Variants in OR10A6 observed in about 807,000 individuals in gnomAD.
OR10A6 encodes the protein olfactory receptor 10A6.
A neutral mutation model predicts 1.5 loss-of-function variants in OR10A6; 2 were observed. The observed-to-expected ratio is 1.31, with a 90% confidence interval of 0.54 to 4.13. The LOEUF (loss-of-function observed/expected upper bound fraction) is 4.13. Among genes scored for constraint, OR10A6 ranks in the 30% most tolerant of loss-of-function variants. The pLI is 0.07. For synonymous variants in OR10A6, 169 were observed against 137.3 expected, an observed-to-expected ratio of 1.23 and a Z score of -1.61; for missense variants, 492 against 368.6, an observed-to-expected ratio of 1.33 and a Z score of -2.74.
rs2133602476 is a variant in OR10A6, at chr11:7,925,205, T to C, written c.*2513A>G. The C allele has an allele frequency of 6.6e-6, 1 of 152,366 alleles. No homozygotes were observed. The highest frequency in any genetic ancestry group is 1.9e-4 in the East Asian group (1 of 5,194). The allele number at this position is 152,366 out of a possible 1,614,324, so 9.4% of individuals were successfully genotyped here. A position where few individuals can be genotyped will look rare whatever the true frequency, so the allele number is the denominator to read the frequency against. ...CAGAAATGATATGATTAGGCTATTA[T>C]GTGTGAAGCATACTAACAATTTCTA... On this transcript the variant is annotated 3_prime_UTR_variant, in exon 4 of 4. Transcript: ENST00000641238.
Position 7,928,121 on chromosome 11 carries a change from G to C in OR10A6, c.542C>G (p.Thr181Ser), listed in dbSNP as rs199758044. 1 of 1,613,944 alleles carries C rather than the reference G, an allele frequency of 6.2e-7. No homozygotes were observed. The highest frequency in any genetic ancestry group is 8.5e-7 in the Non-Finnish European group (1 of 1,179,990). The change falls in exon 4 of 4, where the codon ACC becomes AGC. Residue 181 changes from threonine (T) to serine (S), a missense_variant. Thr to Ser is a moderately conservative substitution (Grantham distance 58). Transcript: ENST00000641238. ...LNEINHISCE[T>S]PAVLELACAD... ...ACATGCAAGTTCTAACACTGCTGGG[G>C]TTTCACAAGATATATGGTTAATTTC...
rs1463126193 is a variant in OR10A6, at chr11:7,926,758, CTAAT to C, written c.*956_*959del. 5.3e-5 allele frequency: 8 copies of C among 152,118 alleles called. No individual in the cohort carries two copies. The East Asian group carries it at 1.4e-3, about 26-fold the overall frequency. 9.4% of individuals were successfully genotyped at this position (152,118 alleles called of 1,614,324 possible). A position where few individuals can be genotyped will look rare whatever the true frequency, so the allele number is the denominator to read the frequency against. On this transcript the variant is annotated 3_prime_UTR_variant, in exon 4 of 4. Transcript: ENST00000641238. ...GTTATATTTCAATGTTGCAATGTGT[CTAAT>C]TATTCATCTTTATATATAACTAGAA...
rs1334745633 is a variant in OR10A6 at position 7,924,761 on chromosome 11, C to T, written c.*2957G>A. 3.9e-5 allele frequency: 6 copies of T among 152,132 alleles called. No individual in the cohort carries two copies. The highest frequency in any genetic ancestry group is 8.8e-5 in the Non-Finnish European group (6 of 68,030). The allele number at this position is 152,132 out of a possible 1,614,324, so 9.4% of individuals were successfully genotyped here. A position where few individuals can be genotyped will look rare whatever the true frequency, so the allele number is the denominator to read the frequency against. ...GGGGCCCTCTAGCTTTCCACTTGGC[C>T]TCTGTAGGGCCTGGCTTTTCTAGTC... is the stretch of plus-strand genomic sequence containing the variant. On this transcript the variant is annotated 3_prime_UTR_variant, in exon 4 of 4. Coordinates refer to ENST00000641238, the MANE Select transcript of OR10A6 (RefSeq NM_001004461.2).
chr11:7,926,213 C>T lies in OR10A6; in HGVS notation c.*1505G>A, dbSNP rs954890909. ...GCCTTCCAGTAGGGGAACCACCCCC[C>T]ATATCCCCTCTCTGCTGACAGTTGT... is the stretch of plus-strand genomic sequence containing the variant. On this transcript the variant is annotated 3_prime_UTR_variant, in exon 4 of 4. Transcript: ENST00000641238. 6.6e-6 allele frequency: 1 copy of T among 152,506 alleles called. No individual in the cohort carries two copies. Among genetic ancestry groups the T allele is most frequent in the African/African-American group, 2.4e-5 (1 of 41,456 alleles). 9.4% of individuals were successfully genotyped at this position (152,506 alleles called of 1,614,324 possible).
chr11:7,926,587 G>T lies in OR10A6; in HGVS notation c.*1131C>A, dbSNP rs140177986. ...TTTCCATCCAATGAATGATTGTTTT[G>T]TAGAAGTGTTCTAACCGCTTTATTA... On this transcript the variant is annotated 3_prime_UTR_variant, in exon 4 of 4. Transcript: ENST00000641238. 5.3e-5 allele frequency: 8 copies of T among 152,248 alleles called. No homozygotes were observed. Among genetic ancestry groups the T allele is most frequent in the African/African-American group, 1.7e-4 (7 of 41,538 alleles). 9.4% of individuals were successfully genotyped at this position (152,248 alleles called of 1,614,324 possible).
rs887929523 is a variant in OR10A6 at position 7,925,492 on chromosome 11, T to C, written c.*2226A>G. 6.6e-6 allele frequency: 1 copy of C among 152,158 alleles called. No individual in the cohort carries two copies. The highest frequency in any genetic ancestry group is 2.4e-5 in the African/African-American group (1 of 41,444). 9.4% of individuals were successfully genotyped at this position (152,158 alleles called of 1,614,324 possible). A position where few individuals can be genotyped will look rare whatever the true frequency, so the allele number is the denominator to read the frequency against. On this transcript the variant is annotated 3_prime_UTR_variant, in exon 4 of 4. Transcript: ENST00000641238. ...TCAAATATAGTAACCTTCCAGCATCTAATGACCAGTACACTGTAAATCCTT... is the reference window on the plus strand; with the variant it reads ...TCAAATATAGTAACCTTCCAGCATCCAATGACCAGTACACTGTAAATCCTT...
In OR10A6 at chr11:7,927,483, A is replaced by G. The variant is rs1341020359; in HGVS notation, c.*235T>C. On this transcript the variant is annotated 3_prime_UTR_variant, in exon 4 of 4. Coordinates refer to ENST00000641238, the MANE Select transcript of OR10A6 (RefSeq NM_001004461.2). ...AAAAATAACCATCAGTAGGGCTACT[A>G]CTAAACAAATTGTTGAAATTGTGTT... 1 of 419,876 alleles carries G rather than the reference A, an allele frequency of 2.4e-6. No individual in the cohort carries two copies. 26.0% of individuals were successfully genotyped at this position (419,876 alleles called of 1,614,324 possible).
In OR10A6 at chr11:7,924,648, C is replaced by T; in HGVS notation, c.*3070G>A. On this transcript the variant is annotated 3_prime_UTR_variant, in exon 4 of 4. Coordinates refer to ENST00000641238, the MANE Select transcript of OR10A6 (RefSeq NM_001004461.2). ...TAGCAAATACTGGATTAAACAAAGA[C>T]AAGGTTTATTTCTCTGAAGTAACAG... The T allele has an allele frequency of 6.6e-6, 1 of 150,964 alleles. No homozygotes were observed. Among genetic ancestry groups the T allele is most frequent in the East Asian group, 1.9e-4 (1 of 5,142 alleles). 9.4% of individuals were successfully genotyped at this position (150,964 alleles called of 1,614,324 possible). A position where few individuals can be genotyped will look rare whatever the true frequency, so the allele number is the denominator to read the frequency against.
In OR10A6 at chr11:7,930,267, A is replaced by T. The variant is rs1467472275; in HGVS notation, c.-1605T>A. On this transcript the variant is annotated 5_prime_UTR_variant, in exon 4 of 4. Transcript: ENST00000641238. ...TGATGACATTTGAAGGGGGTGGAGG[A>T]TGAACAAACACAATCACAGGATGTC... 1 of 151,976 alleles carries T rather than the reference A, an allele frequency of 6.6e-6. No individual in the cohort carries two copies. Among genetic ancestry groups the T allele is most frequent in the Non-Finnish European group, 1.5e-5 (1 of 68,010 alleles). 9.4% of individuals were successfully genotyped at this position (151,976 alleles called of 1,614,324 possible).
rs937857955 is a variant in OR10A6, at chr11:7,926,145, C to A, written c.*1573G>T. On this transcript the variant is annotated 3_prime_UTR_variant, in exon 4 of 4. Coordinates refer to ENST00000641238, the MANE Select transcript of OR10A6 (RefSeq NM_001004461.2). ...CCAGCATGTACTTCCCATTTTGAGT[C>A]CCTAAAAGGTCCTGGACCCAGCCAC... 5.9e-5 allele frequency: 9 copies of A among 152,250 alleles called. No individual in the cohort carries two copies. The highest frequency in any genetic ancestry group is 2.2e-4 in the African/African-American group (9 of 41,430). 9.4% of individuals were successfully genotyped at this position (152,250 alleles called of 1,614,324 possible). A position where few individuals can be genotyped will look rare whatever the true frequency, so the allele number is the denominator to read the frequency against.
Position 7,929,703 on chromosome 11 carries a change from T to G in OR10A6, c.-1041A>C, listed in dbSNP as rs554863918. 1.4e-4 allele frequency: 19 copies of G among 133,368 alleles called. No individual in the cohort carries two copies. The highest frequency in any genetic ancestry group is 3.7e-3 in the Middle Eastern group (1 of 272). 8.3% of individuals were successfully genotyped at this position (133,368 alleles called of 1,614,324 possible). A position where few individuals can be genotyped will look rare whatever the true frequency, so the allele number is the denominator to read the frequency against. On this transcript the variant is annotated 5_prime_UTR_variant, in exon 4 of 4. Transcript: ENST00000641238. ...TACCCCAGGACTTTCTCTTTCTTTC[T>G]CTCTCTCTTTCTATGTGTACATATA...
chr11:7,930,425 C>T lies in OR10A6; in HGVS notation c.-1763G>A, dbSNP rs1164539047. 6.6e-6 allele frequency: 1 copy of T among 151,972 alleles called. No individual in the cohort carries two copies. Among genetic ancestry groups the T allele is most frequent in the African/African-American group, 2.4e-5 (1 of 41,394 alleles). The allele number at this position is 151,972 out of a possible 1,614,324, so 9.4% of individuals were successfully genotyped here. Reference sequence around the variant, plus strand: ...TGCCTTTTGTGTGATGTTTTGAAAACCAAAAGAAATTCACTGTGAGAGATG... The same window carrying T: ...TGCCTTTTGTGTGATGTTTTGAAAATCAAAAGAAATTCACTGTGAGAGATG... On this transcript the variant is annotated 5_prime_UTR_variant, in exon 4 of 4. Coordinates refer to ENST00000641238, the MANE Select transcript of OR10A6 (RefSeq NM_001004461.2).
chr11:7,927,803 A>G lies in OR10A6; in HGVS notation c.860T>C (p.Leu287Pro), dbSNP rs4758258. 0.79 allele frequency: 1,273,881 copies of G among 1,613,562 alleles called. 503,524 individuals are homozygous for G. The highest frequency in any genetic ancestry group is 0.85 in the Admixed American group (50,822 of 59,938). The part of the protein sequence containing the change: ...SYSLLTPLLN[L>P]LIYSLRNSEM... ...ACTATTTCGCAAACTGTAGATAAGC[A>G]GATTCAGCAGTGGTGTCAGAAGTGA... Residue 287 changes from leucine to proline, a missense_variant, in exon 4 of 4, where the codon CTG becomes CCG. Coordinates refer to ENST00000641238, the MANE Select transcript of OR10A6 (RefSeq NM_001004461.2).
Position 7,926,660 on chromosome 11 carries a change from T to C in OR10A6, c.*1058A>G, listed in dbSNP as rs1859407342. 1 of 152,134 alleles carries C rather than the reference T, an allele frequency of 6.6e-6. No homozygotes were observed. Among genetic ancestry groups the C allele is most frequent in the Admixed American group, 6.5e-5 (1 of 15,272 alleles). The allele number at this position is 152,134 out of a possible 1,614,324, so 9.4% of individuals were successfully genotyped here. On this transcript the variant is annotated 3_prime_UTR_variant, in exon 4 of 4. Coordinates refer to ENST00000641238, the MANE Select transcript of OR10A6 (RefSeq NM_001004461.2). ...GAAATGAAGGGTGTTGTCAACTCCT[T>C]TGATATAGATTTAATGAGAAGAACC...
Position 7,929,723 on chromosome 11 carries a change from C to CATATATATATATATATATATATAT in OR10A6, c.-1085_-1062dup, listed in dbSNP as rs1554906034. The CATATATATATATATATATATATAT allele has an allele frequency of 9.2e-4, 27 of 29,310 alleles. 1 individual carries two copies. Among genetic ancestry groups the CATATATATATATATATATATATAT allele is most frequent in the South Asian group, 2.9e-3 (2 of 698 alleles). 1.8% of individuals were successfully genotyped at this position (29,310 alleles called of 1,614,324 possible). A position where few individuals can be genotyped will look rare whatever the true frequency, so the allele number is the denominator to read the frequency against. On this transcript the variant is annotated 5_prime_UTR_variant, in exon 4 of 4. The change creates a new upstream start codon in the 5' untranslated region. Coordinates refer to ENST00000641238, the MANE Select transcript of OR10A6 (RefSeq NM_001004461.2). ...CTTTCTCTCTCTCTTTCTATGTGTA[C>CATATATATATATATATATATATAT]ATATATATATATATATATATATATA...
rs371908162 is a variant in OR10A6 at position 7,926,604 on chromosome 11, G to A, written c.*1114C>T. Reference sequence around the variant, plus strand: ...ATTGTTTTGTAGAAGTGTTCTAACCGCTTTATTACCCCACCTCCACCCCCA... The same window carrying A: ...ATTGTTTTGTAGAAGTGTTCTAACCACTTTATTACCCCACCTCCACCCCCA... On this transcript the variant is annotated 3_prime_UTR_variant, in exon 4 of 4. Coordinates refer to ENST00000641238, the MANE Select transcript of OR10A6 (RefSeq NM_001004461.2). The A allele has an allele frequency of 1.4e-4, 21 of 152,184 alleles. No individual in the cohort carries two copies. Among genetic ancestry groups the A allele is most frequent in the East Asian group, 3.9e-4 (2 of 5,188 alleles). The allele number at this position is 152,184 out of a possible 1,614,324, so 9.4% of individuals were successfully genotyped here.
At position 7,925,222 on chromosome 11, in the gene OR10A6, C is replaced by T. The variant is rs189230363; in HGVS notation, c.*2496G>A. 5.2e-4 allele frequency: 79 copies of T among 152,258 alleles called. No individual in the cohort carries two copies. Among genetic ancestry groups the T allele is most frequent in the Admixed American group, 4.3e-3 (65 of 15,290 alleles). The allele number at this position is 152,258 out of a possible 1,614,324, so 9.4% of individuals were successfully genotyped here. ...GGCTATTATGTGTGAAGCATACTAACAATTTCTATTCATCAGAATAACATA... is the reference window on the plus strand; with the variant it reads ...GGCTATTATGTGTGAAGCATACTAATAATTTCTATTCATCAGAATAACATA... On this transcript the variant is annotated 3_prime_UTR_variant, in exon 4 of 4. Coordinates refer to ENST00000641238, the MANE Select transcript of OR10A6 (RefSeq NM_001004461.2).
Position 7,929,966 on chromosome 11 carries a change from G to GTATATATATGTGTA in OR10A6, c.-1305_-1304insTACACATATATATA, listed in dbSNP as rs58402229. The GTATATATATGTGTA allele has an allele frequency of 3.1e-3, 176 of 57,212 alleles. 19 individuals are homozygous for GTATATATATGTGTA. The highest frequency in any genetic ancestry group is 0.026 in the East Asian group (36 of 1,366). The allele number at this position is 57,212 out of a possible 1,614,324, so 3.5% of individuals were successfully genotyped here. ...TCTAGTAAGGTATGTGTATGTGTATGTATATATATATATATATATATATAT... is the reference window on the plus strand; with the variant it reads ...TCTAGTAAGGTATGTGTATGTGTATGTATATATATGTGTATATATATATATATATATATATATAT... On this transcript the variant is annotated 5_prime_UTR_variant, in exon 4 of 4. Coordinates refer to ENST00000641238, the MANE Select transcript of OR10A6 (RefSeq NM_001004461.2).
chr11:7,928,848 A>T lies in OR10A6; in HGVS notation c.-186T>A, dbSNP rs182482813. 2.1e-4 allele frequency: 88 copies of T among 410,004 alleles called. 2 individuals carry two copies. Among genetic ancestry groups the T allele is most frequent in the African/African-American group, 1.7e-3 (81 of 48,790 alleles). The allele number at this position is 410,004 out of a possible 1,614,324, so 25.4% of individuals were successfully genotyped here. A position where few individuals can be genotyped will look rare whatever the true frequency, so the allele number is the denominator to read the frequency against. On this transcript the variant is annotated 5_prime_UTR_variant, in exon 4 of 4. Coordinates refer to ENST00000641238, the MANE Select transcript of OR10A6 (RefSeq NM_001004461.2). ...TGACCAAATACTTGGATTATATTCC[A>T]AATATAAAAAATAGAAATGAAGAAT...
Sources: allele counts gnomAD v4.1 joint callset, GRCh38; gene constraint gnomAD v4.1.1; transcripts MANE v1.5; gene names NCBI Gene and HGNC (gene_info 2026-07-23, HGNC 2026-07-21).